Variants in GK5 observed in about 807,000 individuals in gnomAD.
GK5 encodes glycerol kinase 5.
GK5 carries 39 observed loss-of-function variants against 77.3 expected under a neutral mutation model. The observed-to-expected ratio is 0.50, with a 90% CI of 0.39 to 0.66. The LOEUF (loss-of-function observed/expected upper bound fraction) is 0.66, where lower values mean the gene tolerates loss of function less well. Ranked by LOEUF, GK5 falls within the 30% of genes least tolerant of loss-of-function variation. The pLI, the probability that GK5 is intolerant of heterozygous loss-of-function variation, is 0.00. For missense variants in GK5, 487 were observed against 633.8 expected (o/e 0.77, Z 2.49); for synonymous variants, 211 against 208.0 (o/e 1.01, Z -0.13).
chr3:142,175,891 T>C (rs1354401591), intron 12 of GK5, among the ~76,000 whole-genome samples: 2 of 150,042 alleles, frequency 1.3e-5, no homozygotes, highest in Non-Finnish European at 3.0e-5. Context: ...TGTGAGGTGA[T>C]AGAGAAGTCA....
In GK5 at chr3:142,194,695, AT is replaced by A. The variant is rs1331413526; in HGVS notation, c.543+4106del. On this transcript the variant is annotated intron_variant, in intron 5 of 15. Transcript: ENST00000392993. ...GACAGACTCTGTGTCAAAAAAGAAA[AT>A]TTTTTTTTTTGTATATTGATCTTAT... Among the ~76,000 whole-genome samples, 260 of 147,656 alleles carry A rather than the reference AT, an allele frequency of 1.8e-3. 2 individuals are homozygous for A. The highest frequency in any genetic ancestry group is 6.1e-3 in the African/African-American group (247 of 40,310).
intron 12 of GK5, among the ~76,000 whole-genome samples, chr3:142,174,756 G>A (rs1465043941): frequency 1.3e-5 from 2 of 152,166 alleles, no homozygotes; most frequent in East Asian, 3.9e-4. Context: ...TGCAGAGGGT[G>A]AGTACAGCTG....
At chr3:142,206,852 G>A (rs969073360) in intron 3 of GK5, among the ~76,000 whole-genome samples, 8 of 152,118 alleles carry the variant, frequency 5.3e-5, no homozygotes, top group Non-Finnish European at 5.9e-5. Flanking sequence ...TATTGTTCAC[G>A]TGTAAAATTG....
Position 142,221,217 on chromosome 3 carries a change from C to CA in GK5, c.147+4091dup, listed in dbSNP as rs1375843428. ...ATCTCTTATTCCCCAGTGAGCTCAT[C>CA]AAAAAAACAGATTTAACACAATCTA... On this transcript the variant is annotated intron_variant, in intron 1 of 15. Coordinates refer to ENST00000392993, the MANE Select transcript of GK5 (RefSeq NM_001039547.3). Among the ~76,000 whole-genome samples the CA allele has an allele frequency of 2.6e-5, 4 of 152,152 alleles. No homozygotes were observed. In the East Asian group the frequency reaches 5.8e-4, roughly 22 times the overall value.
intron 1 of GK5, 131 bp from the exon 2 acceptor site, chr3:142,215,823 T>C: frequency 3.6e-6 from 2 of 562,900 alleles, no homozygotes; most frequent in Non-Finnish European, 6.3e-6. Context: ...ATTGTTAAAA[T>C]TGAAAAAGAC....
At chr3:142,208,816 T>C (rs1306038813) in intron 3 of GK5, among the ~76,000 whole-genome samples, 1 of 152,162 alleles carries the variant, frequency 6.6e-6, no homozygotes, top group Non-Finnish European at 1.5e-5. Context: ...AAATAATCAA[T>C]TACTCAGTTG....
chr3:142,162,221 T>A lies in GK5; in HGVS notation c.*3401A>T, dbSNP rs2063430939. 1 of 152,064 alleles carries A rather than the reference T, an allele frequency of 6.6e-6. No homozygotes were observed. Among genetic ancestry groups the A allele is most frequent in the African/African-American group, 2.4e-5 (1 of 41,378 alleles). The allele number at this position is 152,064 out of a possible 1,614,324, so 9.4% of individuals were successfully genotyped here. ...TAAAATGAGGCAGAAAGAAAAGGAG[T>A]ATGACACTATATTCACTGAGTCTTC... On this transcript the variant is annotated 3_prime_UTR_variant, in exon 16 of 16. Coordinates refer to ENST00000392993, the MANE Select transcript of GK5 (RefSeq NM_001039547.3).
intron 5 of GK5, among the ~76,000 whole-genome samples, chr3:142,194,299 G>A (rs1301570754): frequency 2.6e-5 from 4 of 152,004 alleles, no homozygotes; most frequent in Admixed American, 2.6e-4. Flanking sequence ...GTCGAGGCGG[G>A]CAGATCACTT....
At chr3:142,194,344 G>A (rs1391989854) in intron 5 of GK5, among the ~76,000 whole-genome samples, 1 of 152,034 alleles carries the variant, frequency 6.6e-6, no homozygotes, top group Non-Finnish European at 1.5e-5. Context: ...TGGCCAACAT[G>A]GCGAAACCCC....
chr3:142,181,940 A>G (rs1295556767), intron 10 of GK5, among the ~76,000 whole-genome samples: 1 of 152,256 alleles, frequency 6.6e-6, no homozygotes, highest in Non-Finnish European at 1.5e-5. Context: ...GAGAAATAAA[A>G]GGGTACTATG....
chr3:142,204,189 T>C, intron 4 of GK5: 1 of 190,056 alleles, frequency 5.3e-6, no homozygotes, highest in South Asian at 1.1e-4. Context: ...CAGCTAATTT[T>C]GCATTATTTG....
Position 142,204,792 on chromosome 3 carries a change from G to A in GK5, c.318-4C>T. 6.7e-7 allele frequency: 1 copy of A among 1,497,564 alleles called. No individual in the cohort carries two copies. Among genetic ancestry groups the A allele is most frequent in the Non-Finnish European group, 9.2e-7 (1 of 1,088,144 alleles). The allele number at this position is 1,497,564 out of a possible 1,614,324, so 92.8% of individuals were successfully genotyped here. On this transcript the variant is annotated splice_region_variant and splice_polypyrimidine_tract_variant and intron_variant, in intron 3 of 15. Transcript: ENST00000392993. ...GTGAAAATGATTTCCTGTTTTCCTA[G>A]AAAGAATAAAACAGTATTTTGAGAC...
At chr3:142,180,738 T>G (rs2063685428) in intron 11 of GK5, among the ~76,000 whole-genome samples, 1 of 152,164 alleles carries the variant, frequency 6.6e-6, no homozygotes, top group African/African-American at 2.4e-5. Context: ...GTAGAGAAAC[T>G]AAAGCACCAG....
Position 142,204,804 on chromosome 3 carries a change from C to T in GK5, c.318-16G>A, listed in dbSNP as rs867769720. ...TCCTGTTTTCCTAGAAAGAATAAAACAGTATTTTGAGACCCAGCATAAATC... is the reference window on the plus strand; with the variant it reads ...TCCTGTTTTCCTAGAAAGAATAAAATAGTATTTTGAGACCCAGCATAAATC... On this transcript the variant is annotated splice_polypyrimidine_tract_variant and intron_variant, in intron 3 of 15. Transcript: ENST00000392993. 33 of 1,408,480 alleles carry T rather than the reference C, an allele frequency of 2.3e-5. No individual in the cohort carries two copies. The Middle Eastern group carries it at 5.5e-4, about 24-fold the overall frequency. 87.2% of individuals were successfully genotyped at this position (1,408,480 alleles called of 1,614,324 possible).
At chr3:142,189,753 C>G (rs1292359403) in intron 5 of GK5, among the ~76,000 whole-genome samples, 3 of 152,100 alleles carry the variant, frequency 2.0e-5, no homozygotes, top group Non-Finnish European at 4.4e-5. Flanking sequence ...AGGACCGGCT[C>G]TCATAGGAAC....
In GK5 at chr3:142,186,185, TA is replaced by T. The variant is rs765148504; in HGVS notation, c.755+8del. ...TGTGCTGGTTACTATGTCTGATGTT[TA>T]TTATTACCTTGTGTCCCTCACAGGA... is the stretch of plus-strand genomic sequence containing the variant. On this transcript the variant is annotated splice_region_variant and intron_variant, in intron 8 of 15. Transcript: ENST00000392993. 1.3e-6 allele frequency: 2 copies of T among 1,527,714 alleles called. No individual in the cohort carries two copies. The highest frequency in any genetic ancestry group is 1.8e-6 in the Non-Finnish European group (2 of 1,102,976). 94.6% of individuals were successfully genotyped at this position (1,527,714 alleles called of 1,614,324 possible).
intron 12 of GK5, among the ~76,000 whole-genome samples, chr3:142,177,043 A>T (rs926068445): frequency 2.0e-5 from 3 of 152,322 alleles, no homozygotes; most frequent in Non-Finnish European, 4.4e-5. Context: ...GTGTGTGCAT[A>T]TGTGTGTGAT....
At chr3:142,213,659 A>G in intron 2 of GK5, 58 bp from the exon 3 acceptor site, 1 of 1,070,190 alleles carries the variant, frequency 9.3e-7, no homozygotes. Context: ...TTTCTTTATA[A>G]TATTACAATA....
At chr3:142,204,662 A>AAT in intron 4 of GK5, 33 bp downstream of exon 4, 1 of 1,181,308 alleles carries the variant, frequency 8.5e-7, no homozygotes, top group Non-Finnish European at 1.3e-6. Context: ...AAAAAAAACC[A>AAT]ACAATATCCA....
Sources: allele counts gnomAD v4.1 joint callset (sites outside exome capture counted in the v4.1 genomes callset), GRCh38; gene constraint gnomAD v4.1.1; transcripts MANE v1.5; gene names NCBI Gene and HGNC (gene_info 2026-07-23, HGNC 2026-07-21).